The following TRIM75 variants were observed in gnomAD, a reference collection of about 807,000 sequenced individuals.
TRIM75 encodes tripartite motif-containing protein 75.
the TRIM75 span, among the ~76,000 whole-genome samples, chr4:165,054,922 AG>A: frequency 1.3e-5 from 2 of 151,746 alleles, no homozygotes; most frequent in African/African-American, 4.8e-5. Context: ...TGTAGCAGTG[AG>A]GGATGGTTTG....
chr4:165,054,786 A>G, the TRIM75 span, among the ~76,000 whole-genome samples: 1 of 152,172 alleles, frequency 6.6e-6, no homozygotes, highest in Non-Finnish European at 1.5e-5. Flanking sequence ...CGAAATGCTT[A>G]CTAAAAAAAG....
chr4:165,056,018 C>T, the TRIM75 span, among the ~76,000 whole-genome samples: 4 of 150,046 alleles, frequency 2.7e-5, no homozygotes, highest in African/African-American at 9.8e-5. Context: ...TGGGTTCAAG[C>T]GACTTTCCCA....
At chr4:165,056,602 C>CTTTTTTTTTTTTTTTTTT in the TRIM75 span, among the ~76,000 whole-genome samples, 1 of 69,992 alleles carries the variant, frequency 1.4e-5, no homozygotes, top group Non-Finnish European at 3.0e-5. Flanking sequence ...GTCTCTGTCT[C>CTTTTTTTTTTTTTTTTTT]TTTTTTTTTT....
the TRIM75 span, chr4:165,059,971 G>A: frequency 1.0e-5 from 8 of 778,402 alleles, no homozygotes; most frequent in Admixed American, 1.7e-5. Flanking sequence ...AAGAGAGATG[G>A]CTGCAGTTTT....
the TRIM75 span, chr4:165,059,191 AG>A: frequency 2.6e-6 from 2 of 780,060 alleles, no homozygotes; most frequent in African/African-American, 3.4e-5. Flanking sequence ...GCAGAAGCTA[AG>A]TGCTCCATCT....
At chr4:165,055,486 G>C in the TRIM75 span, among the ~76,000 whole-genome samples, 1 of 151,950 alleles carries the variant, frequency 6.6e-6, no homozygotes, top group South Asian at 2.1e-4. Context: ...GTTTCTCCAC[G>C]TTGGTTAGGC....
chr4:165,057,893 C>T, the TRIM75 span, among the ~76,000 whole-genome samples: 7 of 152,110 alleles, frequency 4.6e-5, no homozygotes, highest in African/African-American at 9.7e-5. Flanking sequence ...CTTCTATGCT[C>T]GTTTGGAGAG....
chr4:165,056,659 G>A, the TRIM75 span, among the ~76,000 whole-genome samples: 1 of 129,446 alleles, frequency 7.7e-6, no homozygotes, highest in Non-Finnish European at 1.5e-5. Flanking sequence ...CTGTTGCCCA[G>A]GCTGGTGTGC....
At chr4:165,060,021 T>A in the TRIM75 span, 1 of 772,290 alleles carries the variant, frequency 1.3e-6, no homozygotes, top group Non-Finnish European at 2.4e-6. Flanking sequence ...TATAAAGAAA[T>A]TTAAAGTAGA....
chr4:165,057,161 C>T, the TRIM75 span, among the ~76,000 whole-genome samples: 1 of 152,150 alleles, frequency 6.6e-6, no homozygotes, highest in East Asian at 1.9e-4. Flanking sequence ...TCTGCCAATA[C>T]TGACTAGACA....
the TRIM75 span, chr4:165,060,153 C>A: frequency 2.6e-6 from 2 of 780,898 alleles, no homozygotes; most frequent in African/African-American, 1.7e-5. Flanking sequence ...TACAGTCAAG[C>A]CAGTTGTTCT....
chr4:165,059,520 C>A, the TRIM75 span: 5 of 780,902 alleles, frequency 6.4e-6, no homozygotes, highest in Non-Finnish European at 1.2e-5. Context: ...GCCCCCTGAC[C>A]ACCAGGGCCA....
the TRIM75 span, among the ~76,000 whole-genome samples, chr4:165,056,702 C>A: frequency 6.7e-6 from 1 of 149,730 alleles, no homozygotes; most frequent in Non-Finnish European, 1.5e-5. Flanking sequence ...ACAACCTCCG[C>A]CTCCCAGGTT....
the TRIM75 span, among the ~76,000 whole-genome samples, chr4:165,056,596 CTG>C: frequency 3.8e-5 from 5 of 130,138 alleles, no homozygotes; most frequent in African/African-American, 8.4e-5. Flanking sequence ...TTCTCTGTCT[CTG>C]TCTCTTTTTT....
the TRIM75 span, among the ~76,000 whole-genome samples, chr4:165,058,891 G>T: frequency 2.0e-5 from 3 of 152,208 alleles, no homozygotes. Flanking sequence ...AAGAGCAGTT[G>T]TCTGGCTGAG....
chr4:165,054,039 A>G, the TRIM75 span, among the ~76,000 whole-genome samples: 322 of 152,142 alleles, frequency 2.1e-3, no homozygotes, highest in Non-Finnish European at 3.5e-3. Context: ...GCCTAGAGGG[A>G]GCTTGCACCT....
the TRIM75 span, chr4:165,059,316 C>CG: frequency 1.3e-6 from 1 of 780,386 alleles, no homozygotes; most frequent in Non-Finnish European, 2.4e-6. Context: ...CCCTGTCTGT[C>CG]GTCACCAGTG....
chr4:165,055,245 G>A, the TRIM75 span, among the ~76,000 whole-genome samples: 1 of 149,598 alleles, frequency 6.7e-6, no homozygotes, highest in Non-Finnish European at 1.5e-5. Context: ...AAGCACTAAT[G>A]TTACACGCGT....
At chr4:165,056,999 A>G in the TRIM75 span, among the ~76,000 whole-genome samples, 2 of 152,172 alleles carry the variant, frequency 1.3e-5, no homozygotes, top group African/African-American at 4.8e-5. Flanking sequence ...AACAGAGTGA[A>G]AAATAGGTGG....
Sources: allele counts gnomAD v4.1 joint callset (sites outside exome capture counted in the v4.1 genomes callset), GRCh38; gene constraint gnomAD v4.1.1; transcripts MANE v1.5; gene names NCBI Gene and HGNC (gene_info 2026-07-23, HGNC 2026-07-21).